The following TAFA5 variants were observed in gnomAD, a reference collection of about 807,000 sequenced individuals.
TAFA5 encodes the protein TAFA chemokine like family member 5.
A neutral mutation model predicts 15.3 loss-of-function variants in TAFA5; 6 were observed. The ratio of observed to expected loss-of-function variants is 0.39; its 90% CI spans 0.21 to 0.77. TAFA5 has a LOEUF of 0.77. TAFA5 is among the 30% of genes least tolerant of loss of function. The pLI, the probability that TAFA5 is intolerant of heterozygous loss-of-function variation, is 0.41. For missense variants in TAFA5, 161 were observed against 193.1 expected (o/e 0.83, Z 0.98); for synonymous variants, 103 against 80.7 (o/e 1.28, Z -1.48).
chr22:48,749,412 G>A (rs1395411982), intron 3 of TAFA5, among the ~76,000 whole-genome samples: 1 of 152,224 alleles, frequency 6.6e-6, no homozygotes, highest in Non-Finnish European at 1.5e-5. Flanking sequence ...CCAGCCTGCA[G>A]CGACCATTCT....
intron 1 of TAFA5, among the ~76,000 whole-genome samples, chr22:48,582,652 CACACCACACACAAAAT>C (rs1218602089): frequency 1.3e-5 from 2 of 150,184 alleles, no homozygotes; most frequent in Admixed American, 6.6e-5. Context: ...ATATACCACA[CACACCACACACAAAAT>C]ACACCACACA....
At chr22:48,639,860 G>C (rs1926609833) in intron 1 of TAFA5, among the ~76,000 whole-genome samples, 1 of 152,192 alleles carries the variant, frequency 6.6e-6, no homozygotes, top group Non-Finnish European at 1.5e-5. Context: ...CCCAGGGTCT[G>C]GGCAGGGCTC....
chr22:48,512,902 G>A (rs1202436369), intron 1 of TAFA5, among the ~76,000 whole-genome samples: 27 of 142,574 alleles, frequency 1.9e-4, no homozygotes, highest in Non-Finnish European at 3.8e-4. Context: ...CAGCCTGGGC[G>A]ACAGAGCGAG....
intron 2 of TAFA5, among the ~76,000 whole-genome samples, chr22:48,655,663 G>A (rs867947991): frequency 3.9e-5 from 6 of 152,012 alleles, no homozygotes; most frequent in African/African-American, 1.5e-4. Flanking sequence ...GTGAATTTAG[G>A]GAACACTTTT....
chr22:48,628,878 G>A (rs1926114429), intron 1 of TAFA5, among the ~76,000 whole-genome samples: 1 of 152,244 alleles, frequency 6.6e-6, no homozygotes, highest in Non-Finnish European at 1.5e-5. Context: ...AAGGTGTCAA[G>A]TTAATTAGGA....
intron 2 of TAFA5, among the ~76,000 whole-genome samples, chr22:48,703,147 C>T (rs1928967505): frequency 6.6e-6 from 1 of 152,054 alleles, no homozygotes; most frequent in Non-Finnish European, 1.5e-5. Context: ...TGTAAATGGG[C>T]ATGTGTGTGC....
At chr22:48,597,509 C>T (rs62225936) in intron 1 of TAFA5, among the ~76,000 whole-genome samples, 37,242 of 149,676 alleles carry the variant, frequency 0.25, 4,668 homozygotes, top group South Asian at 0.33. Context: ...GTTTCCCTGC[C>T]GGTCCCCTCT....
At chr22:48,509,807 C>T (rs773794801) in intron 1 of TAFA5, among the ~76,000 whole-genome samples, 14 of 151,942 alleles carry the variant, frequency 9.2e-5, no homozygotes, top group Non-Finnish European at 1.5e-4. Flanking sequence ...AAAAATTAGC[C>T]GGGCACAGTG....
intron 1 of TAFA5, among the ~76,000 whole-genome samples, chr22:48,638,450 G>A (rs1196216281): frequency 6.7e-5 from 6 of 89,806 alleles, no homozygotes; most frequent in African/African-American, 2.3e-4. Flanking sequence ...CCCCTCCCCC[G>A]ACACTAAGCC....
At chr22:48,571,482 C>CCAG (rs1225598761) in intron 1 of TAFA5, among the ~76,000 whole-genome samples, 1 of 149,272 alleles carries the variant, frequency 6.7e-6, no homozygotes, top group African/African-American at 2.5e-5. Context: ...ACCATGTTGG[C>CCAG]CAGGATGGTC....
At chr22:48,591,283 C>A (rs1400001061) in intron 1 of TAFA5, among the ~76,000 whole-genome samples, 1 of 152,220 alleles carries the variant, frequency 6.6e-6, no homozygotes, top group African/African-American at 2.4e-5. Flanking sequence ...AGAAGCTTCC[C>A]GGTTCCTTAG....
intron 1 of TAFA5, among the ~76,000 whole-genome samples, chr22:48,563,514 TATGGG>T (rs1213236984): frequency 2.0e-5 from 3 of 152,164 alleles, no homozygotes; most frequent in Non-Finnish European, 4.4e-5. Context: ...CTTGTCTCTA[TATGGG>T]AAGAGGGGCC....
chr22:48,587,358 G>A (rs1260304818), intron 1 of TAFA5, among the ~76,000 whole-genome samples: 2 of 152,170 alleles, frequency 1.3e-5, no homozygotes, highest in African/African-American at 2.4e-5. Context: ...TGCTTTGGTG[G>A]TAAAGAAAGG....
At chr22:48,704,143 CTTCCT>C (rs1243980317) in intron 2 of TAFA5, among the ~76,000 whole-genome samples, 2 of 152,092 alleles carry the variant, frequency 1.3e-5, no homozygotes, top group African/African-American at 4.8e-5. Context: ...ACTGGAGCCT[CTTCCT>C]TTCATGTCCT....
intron 3 of TAFA5, among the ~76,000 whole-genome samples, chr22:48,728,006 G>A (rs1318868563): frequency 6.6e-6 from 1 of 152,108 alleles, no homozygotes; most frequent in Non-Finnish European, 1.5e-5. Flanking sequence ...TCTATATTAA[G>A]GTCAAGTAAA....
chr22:48,679,739 TCC>T, intron 2 of TAFA5, among the ~76,000 whole-genome samples: 2 of 58,424 alleles, frequency 3.4e-5, no homozygotes, highest in South Asian at 8.8e-4. Context: ...TCCATCCCTC[TCC>T]TGGCTCCCCA....
chr22:48,615,414 G>A (rs184793834), intron 1 of TAFA5, among the ~76,000 whole-genome samples: 9 of 152,310 alleles, frequency 5.9e-5, no homozygotes, highest in African/African-American at 2.2e-4. Flanking sequence ...GGTTGTGGCA[G>A]CAGGCGTGGC....
At chr22:48,613,465 C>A (rs1925485489) in intron 1 of TAFA5, among the ~76,000 whole-genome samples, 1 of 152,200 alleles carries the variant, frequency 6.6e-6, no homozygotes, top group African/African-American at 2.4e-5. Context: ...ATCTCCCCCA[C>A]TCTGTTTGTC....
intron 2 of TAFA5, among the ~76,000 whole-genome samples, chr22:48,694,482 C>A (rs1601677986): frequency 6.6e-6 from 1 of 152,118 alleles, no homozygotes. Context: ...GACAGAGACT[C>A]CTCCCAGAAA....
Sources: allele counts gnomAD v4.1 joint callset (sites outside exome capture counted in the v4.1 genomes callset), GRCh38; gene constraint gnomAD v4.1.1; transcripts MANE v1.5; gene names NCBI Gene and HGNC (gene_info 2026-07-23, HGNC 2026-07-21).